The following HPSE2 variants were observed in gnomAD, a reference collection of about 807,000 sequenced individuals.
The protein encoded by HPSE2 is inactive heparanase-2.
In HPSE2, 38 loss-of-function variants were observed where a neutral mutation model predicts 60.5. The ratio of observed to expected loss-of-function variants is 0.63; its 90% CI spans 0.48 to 0.82. HPSE2 has a LOEUF of 0.82. Among genes scored for constraint, HPSE2 ranks in the 40% least tolerant of loss-of-function variants. The probability of loss-of-function intolerance (pLI) is 0.00; values close to 1 mark genes in which losing one functional copy is unlikely to be tolerated. For synonymous variants in HPSE2, 295 were observed against 293.2 expected (o/e 1.01, Z -0.06); for missense variants, 713 against 740.4 (o/e 0.96, Z 0.43).
intron 6 of HPSE2, among the ~76,000 whole-genome samples, chr10:98,672,084 A>C (rs1947520838): frequency 6.6e-6 from 1 of 152,260 alleles, no homozygotes; most frequent in Non-Finnish European, 1.5e-5. Flanking sequence ...AAAAAATTAC[A>C]TAAATTTTGA....
At chr10:98,869,149 T>A (rs1315860741) in intron 3 of HPSE2, among the ~76,000 whole-genome samples, 2 of 151,974 alleles carry the variant, frequency 1.3e-5, no homozygotes, top group South Asian at 2.1e-4. Context: ...CCTTAGTGAT[T>A]TTTTTTTGTC....
chr10:98,565,200 C>T (rs1300704512), intron 9 of HPSE2, among the ~76,000 whole-genome samples: 6 of 151,684 alleles, frequency 4.0e-5, no homozygotes, highest in African/African-American at 1.5e-4. Context: ...GATACATGCG[C>T]AGAACATGCA....
At chr10:99,006,868 C>A (rs999788468) in intron 3 of HPSE2, among the ~76,000 whole-genome samples, 14 of 151,812 alleles carry the variant, frequency 9.2e-5, no homozygotes, top group Admixed American at 7.9e-4. Context: ...CCAAGGGCTG[C>A]AGGATTCTGT....
chr10:99,007,780 T>A (rs894613792), intron 3 of HPSE2, among the ~76,000 whole-genome samples: 3 of 152,122 alleles, frequency 2.0e-5, no homozygotes, highest in African/African-American at 7.2e-5. Context: ...GAGCAGGGCC[T>A]TTAGAGTCTA....
chr10:99,083,937 A>C (rs1487014858), intron 3 of HPSE2, among the ~76,000 whole-genome samples: 2 of 151,232 alleles, frequency 1.3e-5, no homozygotes, highest in Admixed American at 1.3e-4. Flanking sequence ...CTAAAGGCCC[A>C]AAAAAACCAT....
intron 2 of HPSE2, among the ~76,000 whole-genome samples, chr10:99,166,401 T>C (rs1847083558): frequency 6.6e-6 from 1 of 152,248 alleles, no homozygotes; most frequent in Admixed American, 6.5e-5. Flanking sequence ...CCAGAATGGC[T>C]GTATTATTTT....
At chr10:98,493,521 A>C (rs1941727901) in intron 9 of HPSE2, among the ~76,000 whole-genome samples, 1 of 152,198 alleles carries the variant, frequency 6.6e-6, no homozygotes, top group South Asian at 2.1e-4. Flanking sequence ...TGCTGCACTG[A>C]AACTTTTATT....
chr10:99,119,842 G>A (rs1252254818), intron 3 of HPSE2, among the ~76,000 whole-genome samples: 1 of 151,904 alleles, frequency 6.6e-6, no homozygotes, highest in Non-Finnish European at 1.5e-5. Flanking sequence ...ACAAGCAATG[G>A]GGAAATGACT....
chr10:99,065,412 T>G (rs991555212), intron 3 of HPSE2, among the ~76,000 whole-genome samples: 1 of 152,030 alleles, frequency 6.6e-6, no homozygotes, highest in African/African-American at 2.4e-5. Context: ...AAAAACAAAT[T>G]TACATTGATT....
chr10:99,313,595 T>G, the HPSE2 span, among the ~76,000 whole-genome samples: 174 of 119,426 alleles, frequency 1.5e-3, 2 homozygotes, highest in African/African-American at 5.7e-3. Flanking sequence ...GACTCCAATT[T>G]TTTTTTTTTT....
intron 3 of HPSE2, among the ~76,000 whole-genome samples, chr10:98,808,175 A>C (rs1951085216): frequency 6.6e-6 from 1 of 152,130 alleles, no homozygotes; most frequent in Non-Finnish European, 1.5e-5. Context: ...TCTTTGTCTG[A>C]CTCTAAGAAA....
chr10:98,824,401 T>G (rs1358800543), intron 3 of HPSE2, among the ~76,000 whole-genome samples: 1 of 152,220 alleles, frequency 6.6e-6, no homozygotes, highest in East Asian at 1.9e-4. Context: ...CATGTATGTT[T>G]TAATTCACTA....
At chr10:98,731,901 G>GA (rs1329582942) in intron 4 of HPSE2, among the ~76,000 whole-genome samples, 4 of 152,024 alleles carry the variant, frequency 2.6e-5, no homozygotes, top group Non-Finnish European at 4.4e-5. Flanking sequence ...CACAGGAGGG[G>GA]AAAAAATACA....
At chr10:98,803,538 A>G (rs1424149422) in intron 3 of HPSE2, among the ~76,000 whole-genome samples, 2 of 152,050 alleles carry the variant, frequency 1.3e-5, no homozygotes. Context: ...CTTTCTCCAT[A>G]TGGCTAGCCA....
the HPSE2 span, among the ~76,000 whole-genome samples, chr10:99,303,058 A>G: frequency 1.3e-4 from 20 of 152,246 alleles, no homozygotes; most frequent in South Asian, 3.5e-3. Context: ...AAAAGTCTGC[A>G]GAGTGATAAC....
chr10:98,601,686 C>A (rs955640954), intron 9 of HPSE2, among the ~76,000 whole-genome samples: 1 of 152,352 alleles, frequency 6.6e-6, no homozygotes. Context: ...TTGTTTGCTG[C>A]TTCCACAATG....
At chr10:99,294,316 C>A in the HPSE2 span, among the ~76,000 whole-genome samples, 1 of 146,812 alleles carries the variant, frequency 6.8e-6, no homozygotes, top group Non-Finnish European at 1.5e-5. Flanking sequence ...ATGAGCTGTG[C>A]TATATGTTTA....
At chr10:98,699,325 G>C (rs1369097969) in intron 5 of HPSE2, among the ~76,000 whole-genome samples, 2 of 150,384 alleles carry the variant, frequency 1.3e-5, no homozygotes, top group African/African-American at 2.4e-5. Flanking sequence ...TGGGATGCAA[G>C]GCTGGTTCAA....
intron 6 of HPSE2, among the ~76,000 whole-genome samples, chr10:98,677,402 A>G (rs1220288963): frequency 2.6e-5 from 4 of 152,228 alleles, no homozygotes; most frequent in South Asian, 4.1e-4. Context: ...AATATGGGCT[A>G]AACATCTGTA....
Sources: allele counts gnomAD v4.1 joint callset (sites outside exome capture counted in the v4.1 genomes callset), GRCh38; gene constraint gnomAD v4.1.1; transcripts MANE v1.5; gene names NCBI Gene and HGNC (gene_info 2026-07-23, HGNC 2026-07-21).